Variants in JMY observed in about 807,000 individuals in gnomAD.
The protein encoded by JMY is junction mediating and regulatory protein, p53 cofactor.
Under a neutral mutation model 103.3 loss-of-function variants are expected in JMY, and 46 were observed. That is an observed-to-expected ratio of 0.45 (90% CI 0.35 to 0.57). The LOEUF (loss-of-function observed/expected upper bound fraction) is 0.57. Ranked by LOEUF, JMY falls within the 20% of genes least tolerant of loss-of-function variation. The probability of loss-of-function intolerance (pLI) is 0.00; values close to 1 mark genes in which losing one functional copy is unlikely to be tolerated. For missense variants in JMY, 1,238 were observed against 1,255.2 expected, an observed-to-expected ratio of 0.99 and a Z score of 0.21; for synonymous variants, 526 against 489.3, an observed-to-expected ratio of 1.07 and a Z score of -0.99.
intron 5 of JMY, 60 bp downstream of exon 5, chr5:79,300,378 ATGGACTAGGTATGTTTCTTTTGTT>A: frequency 7.1e-7 from 1 of 1,411,470 alleles, no homozygotes; most frequent in Non-Finnish European, 9.5e-7. Flanking sequence ...GAAAATACTT[ATGGACTAGGTATGTTTCTTTTGTT>A]AAGACATTTA....
intron 1 of JMY, among the ~76,000 whole-genome samples, chr5:79,276,493 A>C (rs1021274272): frequency 2.6e-5 from 4 of 151,918 alleles, no homozygotes; most frequent in Non-Finnish European, 5.9e-5. Context: ...TCTGTGGCAC[A>C]ATCACAGCTC....
chr5:79,284,574 AT>A (rs1746214675), intron 2 of JMY: 4 of 1,542,762 alleles, frequency 2.6e-6, no homozygotes, highest in African/African-American at 1.4e-5. Flanking sequence ...ATTGTCTGCC[AT>A]TTTTTGACCA....
intron 1 of JMY, among the ~76,000 whole-genome samples, chr5:79,254,029 C>T (rs943575696): frequency 2.6e-5 from 4 of 151,090 alleles, no homozygotes; most frequent in Non-Finnish European, 5.9e-5. Flanking sequence ...CTCACTGCAA[C>T]CTCCTCCTCC....
chr5:79,319,928 A>G (rs567247932), intron 10 of JMY, among the ~76,000 whole-genome samples: 1 of 152,278 alleles, frequency 6.6e-6, no homozygotes, highest in African/African-American at 2.4e-5. Flanking sequence ...TATACTTTTA[A>G]GAGCTAATTT....
intron 1 of JMY, among the ~76,000 whole-genome samples, chr5:79,266,290 G>A (rs1745586271): frequency 6.6e-6 from 1 of 152,222 alleles, no homozygotes; most frequent in Admixed American, 6.5e-5. Context: ...TGTCCCTAGT[G>A]TCTGGTAGAA....
At chr5:79,284,057 T>C (rs1746198247) in intron 2 of JMY, 1 of 1,004,702 alleles carries the variant, frequency 1.0e-6, no homozygotes, top group African/African-American at 1.7e-5. Context: ...ACTTTCTTTT[T>C]TTTATTTTTT....
Position 79,325,488 on chromosome 5 carries a change from A to G in JMY, c.*3886A>G, listed in dbSNP as rs2112133775. The G allele has an allele frequency of 6.6e-6, 1 of 152,334 alleles. No individual in the cohort carries two copies. The highest frequency in any genetic ancestry group is 1.9e-4 in the East Asian group (1 of 5,188). The allele number at this position is 152,334 out of a possible 1,614,324, so 9.4% of individuals were successfully genotyped here. A position where few individuals can be genotyped will look rare whatever the true frequency, so the allele number is the denominator to read the frequency against. On this transcript the variant is annotated 3_prime_UTR_variant, in exon 11 of 11. Transcript: ENST00000396137. ...TTGCACTAAATGTAAATGATAACAT[A>G]AAATTAAGTGTGCATTTTAAACAGA... is the stretch of plus-strand genomic sequence containing the variant.
At chr5:79,269,356 T>C (rs779973373) in intron 1 of JMY, among the ~76,000 whole-genome samples, 2 of 152,216 alleles carry the variant, frequency 1.3e-5, no homozygotes, top group Non-Finnish European at 2.9e-5. Context: ...AGCTTTAGAG[T>C]GTCTGAAAGA....
At chr5:79,245,627 G>C (rs1744876472) in intron 1 of JMY, among the ~76,000 whole-genome samples, 1 of 151,846 alleles carries the variant, frequency 6.6e-6, no homozygotes, top group African/African-American at 2.4e-5. Context: ...TGAGCAACTT[G>C]GTTTTTTTCT....
At chr5:79,293,134 GTTC>G (rs138002993) in intron 4 of JMY, among the ~76,000 whole-genome samples, 4,930 of 152,132 alleles carry the variant, frequency 0.032, 94 homozygotes, top group South Asian at 0.063. Flanking sequence ...TTAAAACAAA[GTTC>G]TTCTTGATGT....
chr5:79,255,622 T>G (rs1418365346), intron 1 of JMY, among the ~76,000 whole-genome samples: 1 of 152,214 alleles, frequency 6.6e-6, no homozygotes, highest in African/African-American at 2.4e-5. Flanking sequence ...TGTTGTGATG[T>G]AAGCTGTATC....
chr5:79,302,489 A>G (rs1217307118), intron 6 of JMY, among the ~76,000 whole-genome samples: 2 of 152,162 alleles, frequency 1.3e-5, no homozygotes, highest in Non-Finnish European at 2.9e-5. Context: ...CTCTGAAGAG[A>G]TGACACTTGT....
At chr5:79,278,585 C>CAAAAAAAAAAA (rs34278536) in intron 2 of JMY, among the ~76,000 whole-genome samples, 5 of 57,300 alleles carry the variant, frequency 8.7e-5, no homozygotes, top group Non-Finnish European at 1.2e-4. Context: ...CCCGTCTCTA[C>CAAAAAAAAAAA]AAAAAAAAAA....
At chr5:79,240,423 TG>T (rs1344972235) in intron 1 of JMY, among the ~76,000 whole-genome samples, 1 of 151,990 alleles carries the variant, frequency 6.6e-6, no homozygotes, top group African/African-American at 2.4e-5. Context: ...CAGTTCTCCT[TG>T]CTCAGCCTCC....
At chr5:79,247,857 TTTTTATATTTTATTTTATTTTA>T (rs1311398055) in intron 1 of JMY, among the ~76,000 whole-genome samples, 31 of 149,554 alleles carry the variant, frequency 2.1e-4, no homozygotes, top group Non-Finnish European at 3.3e-4. Context: ...TTTATTTTAT[TTTTTATATTTTATTTTATTTTA>T]TTTTATATTT....
At position 79,236,784 on chromosome 5, in the gene JMY, C is replaced by T; in HGVS notation, c.134C>T (p.Thr45Ile). The change falls in exon 1 of 11, where the codon ACC (threonine) becomes ATC (isoleucine). Residue 45 changes from threonine to isoleucine, a missense_variant. Transcript: ENST00000396137. ...GAGATTGAGGGCAAGTTTGCCATAA[C>T]CTGCCACAACCGGACGGCCCAGAGG... is the stretch of plus-strand genomic sequence containing the variant. ...WNEIEGKFAI[T>I]CHNRTAQRQR... The T allele has an allele frequency of 7.3e-6, 11 of 1,511,510 alleles. No homozygotes were observed. The highest frequency in any genetic ancestry group is 1.3e-5 in the South Asian group (1 of 79,798). 93.6% of individuals were successfully genotyped at this position (1,511,510 alleles called of 1,614,324 possible).
rs1158450674 is a variant in JMY, at chr5:79,237,472, C to A, written c.822C>A (p.Ala274=). ...TGTGGACTGTGCTGTTTGGGGGCGC[C>A]CCCGAGATGACCGAGCAGGAAATCG... ...SGMWTVLFGG[A]PEMTEQEIDT... Residue 274 remains alanine, a synonymous_variant, in exon 1 of 11, where the codon GCC becomes GCA. Transcript: ENST00000396137. The A allele has an allele frequency of 3.1e-6, 5 of 1,613,764 alleles. No individual in the cohort carries two copies. The highest frequency in any genetic ancestry group is 4.2e-6 in the Non-Finnish European group (5 of 1,179,946).
rs1468350556 is a variant in JMY at position 79,236,149 on chromosome 5, T to G, written c.-502T>G. On this transcript the variant is annotated 5_prime_UTR_variant, in exon 1 of 11. Coordinates refer to ENST00000396137, the MANE Select transcript of JMY (RefSeq NM_152405.5). ...CGTCAGCAGTCGAATGGCAACATTGTGGCGATGCTGAGGCGCAGAGTTTAG... is the reference window on the plus strand; with the variant it reads ...CGTCAGCAGTCGAATGGCAACATTGGGGCGATGCTGAGGCGCAGAGTTTAG... 1.3e-5 allele frequency: 2 copies of G among 151,018 alleles called. No homozygotes were observed. The highest frequency in any genetic ancestry group is 4.9e-5 in the African/African-American group (2 of 41,190). The allele number at this position is 151,018 out of a possible 1,614,324, so 9.4% of individuals were successfully genotyped here.
chr5:79,240,607 C>T (rs1462493255), intron 1 of JMY, among the ~76,000 whole-genome samples: 1 of 152,190 alleles, frequency 6.6e-6, no homozygotes, highest in African/African-American at 2.4e-5. Context: ...CTGCACCCGG[C>T]AACTTCAATA....
Sources: allele counts gnomAD v4.1 joint callset (sites outside exome capture counted in the v4.1 genomes callset), GRCh38; gene constraint gnomAD v4.1.1; transcripts MANE v1.5; gene names NCBI Gene and HGNC (gene_info 2026-07-23, HGNC 2026-07-21).